LARGE1: variants seen among roughly 807,000 people sequenced by gnomAD.
LARGE1 encodes xylosyl- and glucuronyltransferase LARGE1.
A neutral mutation model predicts 87.6 loss-of-function variants in LARGE1; 43 were observed. That is an observed-to-expected ratio of 0.49 (90% CI 0.38 to 0.63). The LOEUF (loss-of-function observed/expected upper bound fraction) is 0.63, where lower values mean the gene tolerates loss of function less well. LARGE1 is among the 30% of genes least tolerant of loss of function. The probability of loss-of-function intolerance (pLI) is 0.00; values close to 1 mark genes in which losing one functional copy is unlikely to be tolerated. For missense variants in LARGE1, 802 were observed against 1,000.2 expected, an observed-to-expected ratio of 0.80 and a Z score of 2.67; for synonymous variants, 434 against 394.6, an observed-to-expected ratio of 1.10 and a Z score of -1.18.
At chr22:33,481,220 T>TACACACACACACACACAC (rs71785834) in intron 6 of LARGE1, among the ~76,000 whole-genome samples, 1 of 146,620 alleles carries the variant, frequency 6.8e-6, no homozygotes, top group African/African-American at 2.5e-5. Flanking sequence ...GCACTATAGA[T>TACACACACACACACACAC]ACACACACAC....
At chr22:33,128,255 A>C in the LARGE1 span, among the ~76,000 whole-genome samples, 1 of 152,222 alleles carries the variant, frequency 6.6e-6, no homozygotes, top group Non-Finnish European at 1.5e-5. Context: ...TGCTGGGTAT[A>C]TACCCAAAGG....
chr22:33,847,639 G>C (rs990798891), intron 1 of LARGE1, among the ~76,000 whole-genome samples: 1 of 152,160 alleles, frequency 6.6e-6, no homozygotes, highest in African/African-American at 2.4e-5. Flanking sequence ...TCTAAGCAGT[G>C]GTACGCTGTG....
intron 7 of LARGE1, among the ~76,000 whole-genome samples, chr22:33,409,448 G>T (rs775227771): frequency 2.0e-5 from 3 of 152,098 alleles, no homozygotes; most frequent in Non-Finnish European, 4.4e-5. Context: ...GTTGTCTAAG[G>T]GCTTTCTCCA....
intron 1 of LARGE1, among the ~76,000 whole-genome samples, chr22:33,894,734 G>A (rs1239130077): frequency 6.6e-6 from 1 of 151,980 alleles, no homozygotes; most frequent in African/African-American, 2.4e-5. Flanking sequence ...CCTCATACAA[G>A]GAAATGAACC....
intron 5 of LARGE1, among the ~76,000 whole-genome samples, chr22:33,591,198 T>TCAAA (rs747686303): frequency 2.0e-5 from 3 of 152,346 alleles, no homozygotes; most frequent in Non-Finnish European, 4.4e-5. Context: ...AGACTCTGCC[T>TCAAA]CAAACAAACA....
intron 1 of LARGE1, among the ~76,000 whole-genome samples, chr22:33,799,050 A>C (rs879307134): frequency 4.6e-5 from 7 of 152,032 alleles, no homozygotes; most frequent in Non-Finnish European, 1.0e-4. Flanking sequence ...AATTTGGACA[A>C]TTTTATCTAG....
At position 33,424,959 on chromosome 22, in the gene LARGE1, T is replaced by C. The variant is rs559921439; in HGVS notation, c.892+7202A>G. 8.5e-5 allele frequency among the ~76,000 whole-genome samples: 13 copies of C among 152,286 alleles called. No homozygotes were observed. The East Asian group carries it at 1.4e-3, about 16-fold the overall frequency. On this transcript the variant is annotated intron_variant, in intron 7 of 14. Transcript: ENST00000397394. The stretch of plus-strand genomic sequence containing the variant: ...GTAGGGACTTCATTAATGTGATTAA[T>C]GACCTTGTAAGAAGAGACACAAGGC...
chr22:33,904,281 G>A (rs1197055714), intron 1 of LARGE1, among the ~76,000 whole-genome samples: 1 of 152,130 alleles, frequency 6.6e-6, no homozygotes, highest in Non-Finnish European at 1.5e-5. Context: ...TCAGCCTCCT[G>A]AGTAGCTGGG....
intron 11 of LARGE1, among the ~76,000 whole-genome samples, chr22:33,315,068 G>A (rs1936004286): frequency 6.6e-6 from 1 of 152,144 alleles, no homozygotes; most frequent in Admixed American, 6.5e-5. Flanking sequence ...AATTAGCTGG[G>A]CATGGTGGCT....
intron 1 of LARGE1, among the ~76,000 whole-genome samples, chr22:33,857,515 T>C (rs986604681): frequency 4.6e-5 from 7 of 152,262 alleles, no homozygotes; most frequent in Non-Finnish European, 8.8e-5. Flanking sequence ...AAATATTTCT[T>C]ATAGTTGTTT....
intron 1 of LARGE1, among the ~76,000 whole-genome samples, chr22:33,829,070 G>A (rs376646771): frequency 3.0e-4 from 43 of 142,956 alleles, no homozygotes; most frequent in Non-Finnish European, 5.9e-4. Context: ...GTGCAGTGGC[G>A]TGATCTCGGC....
rs1193962293 is a variant in LARGE1 at position 33,585,735 on chromosome 22, C to T, written c.615+18700G>A. 4.6e-5 allele frequency among the ~76,000 whole-genome samples: 7 copies of T among 152,280 alleles called. No individual in the cohort carries two copies. In the East Asian group the frequency reaches 7.7e-4, roughly 17 times the overall value. ...ACTCAGGTTATATATTAGATCACAA[C>T]ATAAAAGATCAGGAAACTGATCACA... On this transcript the variant is annotated intron_variant, in intron 5 of 14. Coordinates refer to ENST00000397394, the MANE Select transcript of LARGE1 (RefSeq NM_133642.5).
At chr22:33,770,171 T>C (rs1163810373) in intron 1 of LARGE1, among the ~76,000 whole-genome samples, 4 of 152,388 alleles carry the variant, frequency 2.6e-5, no homozygotes, top group South Asian at 2.1e-4. Context: ...GCTAATAATC[T>C]TTTTGCATGT....
chr22:33,326,702 T>C (rs1937274124), intron 10 of LARGE1, among the ~76,000 whole-genome samples: 2 of 152,022 alleles, frequency 1.3e-5, no homozygotes, highest in Non-Finnish European at 1.5e-5. Flanking sequence ...AAGGGAGATA[T>C]GGTGGAAAGG....
intron 9 of LARGE1, among the ~76,000 whole-genome samples, chr22:33,357,571 G>T (rs1941010307): frequency 6.6e-6 from 1 of 152,062 alleles, no homozygotes; most frequent in African/African-American, 2.4e-5. Context: ...GAGTCAGGCA[G>T]ATCACCTGAG....
In LARGE1 at chr22:33,831,668, G is replaced by A. The variant is rs147080954; in HGVS notation, c.-82-70110C>T. ...ATAACTGGACAAGAACTTGCAGTTT[G>A]CAAACTCAGACATAGACATACCACT... On this transcript the variant is annotated intron_variant, in intron 1 of 14. Coordinates refer to ENST00000397394, the MANE Select transcript of LARGE1 (RefSeq NM_133642.5). Among the ~76,000 whole-genome samples, 383 of 152,200 alleles carry A rather than the reference G, an allele frequency of 2.5e-3. 5 individuals are homozygous for A. The highest frequency in any genetic ancestry group is 8.7e-3 in the African/African-American group (360 of 41,534).
intron 2 of LARGE1, among the ~76,000 whole-genome samples, chr22:33,739,960 A>T (rs2083815864): frequency 6.6e-6 from 1 of 152,182 alleles, no homozygotes; most frequent in Admixed American, 6.5e-5. Context: ...CTCAAAAGCC[A>T]ATAGAGAAAT....
At chr22:33,074,031 G>C in the LARGE1 span, among the ~76,000 whole-genome samples, 1 of 152,108 alleles carries the variant, frequency 6.6e-6, no homozygotes, top group East Asian at 1.9e-4. Context: ...CTTATTGTCT[G>C]CTCATTCTGG....
intron 6 of LARGE1, among the ~76,000 whole-genome samples, chr22:33,520,262 TG>T (rs1206328267): frequency 3.3e-5 from 5 of 151,988 alleles, no homozygotes; most frequent in African/African-American, 1.2e-4. Context: ...TCTGTACTGA[TG>T]GGGGGTCTCA....
Sources: allele counts gnomAD v4.1 joint callset (sites outside exome capture counted in the v4.1 genomes callset), GRCh38; gene constraint gnomAD v4.1.1; transcripts MANE v1.5; gene names NCBI Gene and HGNC (gene_info 2026-07-23, HGNC 2026-07-21).